The following PDZD2 variants were observed in gnomAD, a reference collection of about 807,000 sequenced individuals.
PDZD2 encodes PDZ domain-containing protein 2.
In PDZD2, 90 loss-of-function variants were observed where a neutral mutation model predicts 220.7. The observed-to-expected ratio is 0.41, with a 90% CI of 0.34 to 0.49. The LOEUF is 0.49. Among genes scored for constraint, PDZD2 ranks in the 20% least tolerant of loss-of-function variants. The pLI is 0.28. For missense variants in PDZD2, 3,174 were observed against 3,608.5 expected (o/e 0.88, Z 3.08); for synonymous variants, 1,375 against 1,450.5 (o/e 0.95, Z 1.18).
intron 1 of PDZD2, among the ~76,000 whole-genome samples, chr5:31,694,758 A>G (rs1196972096): frequency 9.7e-6 from 1 of 102,754 alleles, no homozygotes; most frequent in African/African-American, 4.1e-5. Context: ...TTTTTTTTTC[A>G]TATGTTACAT....
At chr5:31,965,033 C>T (rs901825921) in intron 2 of PDZD2, among the ~76,000 whole-genome samples, 1 of 152,146 alleles carries the variant, frequency 6.6e-6, no homozygotes, top group Non-Finnish European at 1.5e-5. Context: ...GTTTTTTTGC[C>T]ATTTTAATGG....
At chr5:32,100,265 TG>T in intron 23 of PDZD2, 3 of 161,340 alleles carry the variant, frequency 1.9e-5, no homozygotes, top group Admixed American at 5.8e-5. Context: ...TCAGCCCTAG[TG>T]AACAGTGAAC....
intron 2 of PDZD2, among the ~76,000 whole-genome samples, chr5:31,912,600 GAC>G (rs1743304361): frequency 6.6e-6 from 1 of 152,178 alleles, no homozygotes; most frequent in Non-Finnish European, 1.5e-5. Flanking sequence ...CCCCGCAATT[GAC>G]ACGCTAGAGA....
chr5:31,898,665 T>C (rs7708466), intron 2 of PDZD2, among the ~76,000 whole-genome samples: 152,239 of 152,260 alleles, frequency 1, 76,109 homozygotes, highest in Middle Eastern at 1. Flanking sequence ...GTGTGGATGC[T>C]GAGAGCTTCC....
At chr5:31,719,012 G>A (rs150031471) in intron 1 of PDZD2, among the ~76,000 whole-genome samples, 302 of 152,200 alleles carry the variant, frequency 2.0e-3, no homozygotes, top group African/African-American at 6.9e-3. Context: ...ACCGCCTCAT[G>A]TTAACTCAGT....
At position 32,090,277 on chromosome 5, in the gene PDZD2, A is replaced by T. The variant is rs760295515; in HGVS notation, c.6829A>T (p.Ile2277Leu). 20 of 1,614,064 alleles carry T rather than the reference A, an allele frequency of 1.2e-5. No homozygotes were observed. The highest frequency in any genetic ancestry group is 1.6e-5 in the Non-Finnish European group (19 of 1,180,022). Residue 2277 changes from isoleucine to leucine, a missense_variant, in exon 20 of 25, where the codon ATA (isoleucine) becomes TTA (leucine). Ile to Leu is a conservative substitution (Grantham distance 5, BLOSUM62 2). Around this residue, in one of 4 missense-constraint regions of PDZD2, gnomAD observed 631 missense variants for 789.9 expected, o/e 0.80. Coordinates refer to ENST00000438447, the MANE Select transcript of PDZD2 (RefSeq NM_178140.4). This position sits in a 1 kb window ranked among gnomAD's most constrained non-coding sequence, Gnocchi z 4.3. ...GLPSLANGQG[I>L]YSVKPLLDTS... is the part of the protein sequence containing the mutation. ...TCCCAGCCTGGCTAATGGACAGGGC[A>T]TATATAGTGTAAAGCCGCTGCTGGA...
chr5:31,935,382 A>G (rs952978754), intron 2 of PDZD2, among the ~76,000 whole-genome samples: 1 of 152,172 alleles, frequency 6.6e-6, no homozygotes. Flanking sequence ...AGGGAAGCCT[A>G]TTTTTTAACA....
At chr5:31,925,772 AAGAT>A (rs1417809619) in intron 2 of PDZD2, among the ~76,000 whole-genome samples, 1 of 152,082 alleles carries the variant, frequency 6.6e-6, no homozygotes, top group African/African-American at 2.4e-5. Flanking sequence ...AAAAAAAAAA[AAGAT>A]AACCCATTTA....
intron 2 of PDZD2, among the ~76,000 whole-genome samples, chr5:31,878,550 C>G (rs983686484): frequency 2.7e-5 from 2 of 74,054 alleles, no homozygotes; most frequent in Non-Finnish European, 5.8e-5. Flanking sequence ...GTCAGATGAC[C>G]TCGGCTTTTT....
intron 2 of PDZD2, among the ~76,000 whole-genome samples, chr5:31,848,930 T>C (rs1368523303): frequency 6.6e-6 from 1 of 151,740 alleles, no homozygotes; most frequent in African/African-American, 2.4e-5. Flanking sequence ...GCGCCTGTAG[T>C]CCCAGGTACT....
intron 8 of PDZD2, among the ~76,000 whole-genome samples, chr5:32,051,745 C>T (rs564771762): frequency 5.9e-5 from 9 of 152,128 alleles, no homozygotes; most frequent in Non-Finnish European, 1.3e-4. Context: ...TGGGAAAATA[C>T]TTTATTTTCC....
At chr5:32,058,836 C>A (rs1409790311) in intron 12 of PDZD2, among the ~76,000 whole-genome samples, 2 of 152,176 alleles carry the variant, frequency 1.3e-5, no homozygotes, top group African/African-American at 2.4e-5. Context: ...TCTTTTTCCT[C>A]CCCACCTACT....
intron 4 of PDZD2, among the ~76,000 whole-genome samples, chr5:31,999,670 G>A (rs1486713620): frequency 6.6e-6 from 1 of 152,190 alleles, no homozygotes; most frequent in Non-Finnish European, 1.5e-5. Flanking sequence ...TCTGGTCAGG[G>A]TCACATCCCT....
At chr5:31,864,084 G>A (rs1010491828) in intron 2 of PDZD2, among the ~76,000 whole-genome samples, 2 of 152,164 alleles carry the variant, frequency 1.3e-5, no homozygotes, top group African/African-American at 4.8e-5. Context: ...TTCAGCCAAT[G>A]GGAGGCACTG....
chr5:31,774,231 G>A (rs1015312913), intron 1 of PDZD2, among the ~76,000 whole-genome samples: 1 of 152,034 alleles, frequency 6.6e-6, no homozygotes, highest in African/African-American at 2.4e-5. Flanking sequence ...GGGTAGTTCA[G>A]ATTTGAGCAC....
Position 32,108,223 on chromosome 5 carries a change from A to C in PDZD2, c.*88A>C. The C allele has an allele frequency of 1.2e-6, 1 of 817,708 alleles. No individual in the cohort carries two copies. The highest frequency in any genetic ancestry group is 2.7e-5 in the East Asian group (1 of 37,564). 50.7% of individuals were successfully genotyped at this position (817,708 alleles called of 1,614,324 possible). A position where few individuals can be genotyped will look rare whatever the true frequency, so the allele number is the denominator to read the frequency against. On this transcript the variant is annotated 3_prime_UTR_variant, in exon 25 of 25. Transcript: ENST00000438447. ...AAACCACAGGTTGTTGAAATGGCCA[A>C]CACTGGTACAGACACGGACTATAAA...
intron 2 of PDZD2, chr5:31,840,393 TCA>T (rs1757194942): frequency 3.4e-5 from 4 of 117,202 alleles, no homozygotes; most frequent in African/African-American, 1.3e-4. Flanking sequence ...GTAGTCATTT[TCA>T]TTATATATAT....
intron 1 of PDZD2, among the ~76,000 whole-genome samples, chr5:31,765,665 G>A (rs550911466): frequency 1.3e-5 from 2 of 152,260 alleles, no homozygotes; most frequent in Middle Eastern, 3.4e-3. Context: ...CCTGAGGCCG[G>A]AAGACATCAC....
At chr5:31,891,127 C>CTTT (rs869189606) in intron 2 of PDZD2, among the ~76,000 whole-genome samples, 5 of 96,432 alleles carry the variant, frequency 5.2e-5, no homozygotes, top group African/African-American at 1.3e-4. Flanking sequence ...GGGGTTTTTC[C>CTTT]TTTTTTTTTT....
Sources: allele counts gnomAD v4.1 joint callset (sites outside exome capture counted in the v4.1 genomes callset), GRCh38; gene constraint gnomAD v4.1.1; regional missense constraint gnomAD v4.1.1; non-coding constraint Gnocchi (gnomAD v3.1); transcripts MANE v1.5; gene names NCBI Gene and HGNC (gene_info 2026-07-23, HGNC 2026-07-21).